The following GABRA5 variants were observed in gnomAD, a reference collection of about 807,000 sequenced individuals.
GABRA5 encodes the protein gamma-aminobutyric acid type A receptor subunit alpha5, also known as gamma-aminobutyric acid receptor subunit alpha-5.
Under a neutral mutation model 47.3 loss-of-function variants are expected in GABRA5, and 18 were observed. That is an observed-to-expected ratio of 0.38 (90% CI 0.26 to 0.56). GABRA5 has a LOEUF of 0.56. GABRA5 is among the 20% of genes least tolerant of loss of function. The pLI, the probability that GABRA5 is intolerant of heterozygous loss-of-function variation, is 0.71. For missense variants in GABRA5, 365 were observed against 599.3 expected (o/e 0.61, Z 4.08); for synonymous variants, 237 against 229.3 (o/e 1.03, Z -0.30).
At chr15:26,895,822 AAAAAAAG>A (rs1241799608) in intron 6 of GABRA5, among the ~76,000 whole-genome samples, 11 of 137,144 alleles carry the variant, frequency 8.0e-5, no homozygotes, top group African/African-American at 2.1e-4. Flanking sequence ...CAAAAAAAAA[AAAAAAAG>A]AAGAAGAAGA....
intron 7 of GABRA5, among the ~76,000 whole-genome samples, chr15:26,934,976 G>A (rs990392067): frequency 6.6e-6 from 1 of 151,546 alleles, no homozygotes; most frequent in Non-Finnish European, 1.5e-5. Flanking sequence ...GTCAGAAGAG[G>A]GTGAGCTTTA....
At chr15:26,899,626 A>G (rs1893279121) in intron 6 of GABRA5, among the ~76,000 whole-genome samples, 1 of 152,144 alleles carries the variant, frequency 6.6e-6, no homozygotes, top group South Asian at 2.1e-4. Flanking sequence ...AGTTTCATAT[A>G]GGTTTATAAT....
At chr15:26,896,311 C>T (rs2140274839) in intron 6 of GABRA5, among the ~76,000 whole-genome samples, 1 of 152,216 alleles carries the variant, frequency 6.6e-6, no homozygotes, top group East Asian at 1.9e-4. Flanking sequence ...TGTTTTAACC[C>T]TGCTTTAAAA....
chr15:26,931,385 C>T (rs1297723505), intron 7 of GABRA5, among the ~76,000 whole-genome samples: 3 of 152,146 alleles, frequency 2.0e-5, no homozygotes, highest in Non-Finnish European at 4.4e-5. Flanking sequence ...TCTCATTGTG[C>T]CCTCACATGG....
At chr15:26,939,516 G>T in intron 8 of GABRA5, 1 of 686,208 alleles carries the variant, frequency 1.5e-6, no homozygotes. Context: ...GGAGCCTCTA[G>T]ACTGGAAACA....
rs760171799 is a variant in GABRA5, at chr15:26,948,268, T to G, written c.*35T>G. The G allele has an allele frequency of 6.3e-7, 1 of 1,593,698 alleles. No individual in the cohort carries two copies. On this transcript the variant is annotated 3_prime_UTR_variant, in exon 11 of 11. Transcript: ENST00000335625. ...CTCCCAAACTCCAAGACAGCCATAC[T>G]TCCAGCGAAATGGTACCAAGGAGAG... is the stretch of plus-strand genomic sequence containing the variant.
intron 6 of GABRA5, 115 bp from the exon 7 acceptor site, chr15:26,914,688 A>C: frequency 1.3e-6 from 1 of 742,874 alleles, no homozygotes; most frequent in Non-Finnish European, 2.4e-6. Context: ...AGATAATCTC[A>C]TAAGAGACAT....
rs968696936 is a variant in GABRA5 at position 26,948,306 on chromosome 15, G to A, written c.*73G>A. The A allele has an allele frequency of 3.5e-6, 5 of 1,423,928 alleles. No homozygotes were observed. In the African/African-American group the frequency reaches 7.1e-5, roughly 20 times the overall value. 88.2% of individuals were successfully genotyped at this position (1,423,928 alleles called of 1,614,324 possible). ...GTACCAAGGAGAGGTCTTGCTCACA[G>A]GGACTCTCCATATGTGAGCACTATC... On this transcript the variant is annotated 3_prime_UTR_variant, in exon 11 of 11. Coordinates refer to ENST00000335625, the MANE Select transcript of GABRA5 (RefSeq NM_000810.4).
intron 6 of GABRA5, among the ~76,000 whole-genome samples, chr15:26,911,001 A>G (rs180856913): frequency 6.6e-6 from 1 of 152,184 alleles, no homozygotes; most frequent in Non-Finnish European, 1.5e-5. Flanking sequence ...ATACTTTTTG[A>G]GTATTATAAA....
intron 7 of GABRA5, among the ~76,000 whole-genome samples, chr15:26,935,272 T>C (rs1894209924): frequency 6.6e-6 from 1 of 152,258 alleles, no homozygotes; most frequent in Non-Finnish European, 1.5e-5. Context: ...CAAGAGGTCA[T>C]TTAATATTCA....
intron 4 of GABRA5, among the ~76,000 whole-genome samples, chr15:26,881,629 T>G (rs1892730820): frequency 6.6e-6 from 1 of 152,208 alleles, no homozygotes; most frequent in African/African-American, 2.4e-5. Context: ...TCTGAACTTG[T>G]TGGGTTAGGT....
chr15:26,899,293 T>C (rs1893271101), intron 6 of GABRA5, among the ~76,000 whole-genome samples: 1 of 152,256 alleles, frequency 6.6e-6, no homozygotes, highest in African/African-American at 2.4e-5. Flanking sequence ...TCATTACATT[T>C]GGTCAGAAGA....
chr15:26,873,162 A>G (rs1260652063), intron 3 of GABRA5, among the ~76,000 whole-genome samples: 1 of 152,246 alleles, frequency 6.6e-6, no homozygotes, highest in Non-Finnish European at 1.5e-5. Flanking sequence ...AAAAGTACAT[A>G]GTATAGAAAA....
At position 26,886,045 on chromosome 15, in the gene GABRA5, A is replaced by C. The variant is rs564758971; in HGVS notation, c.497+2488A>C. On this transcript the variant is annotated intron_variant, in intron 6 of 10. Transcript: ENST00000335625. ...GTTGTTGTTGTTGTTGTTGAGATGG[A>C]GTCTCACTCTGTCACCCAGGCTGGA... is the stretch of plus-strand genomic sequence containing the variant. Among the ~76,000 whole-genome samples, 61 of 151,378 alleles carry C rather than the reference A, an allele frequency of 4.0e-4. 1 individual carries two copies. Among genetic ancestry groups the C allele is most frequent in the African/African-American group, 1.5e-3 (61 of 41,294 alleles).
intron 3 of GABRA5, among the ~76,000 whole-genome samples, chr15:26,871,912 TA>T (rs1892482677): frequency 6.6e-6 from 1 of 152,204 alleles, no homozygotes; most frequent in African/African-American, 2.4e-5. Context: ...TTATTTATAT[TA>T]GAAGATATTT....
intron 1 of GABRA5, 56 bp from the exon 2 acceptor site, chr15:26,868,673 A>C (rs1595388763): frequency 6.5e-6 from 1 of 153,906 alleles, no homozygotes; most frequent in East Asian, 1.9e-4. Context: ...GTGATCCTGC[A>C]GAAAACCTGT....
Position 26,940,056 on chromosome 15 carries a change from GT to G in GABRA5, c.857del (p.Val286AlafsTer13). The G allele has an allele frequency of 1.2e-6, 2 of 1,613,382 alleles. No individual in the cohort carries two copies. The highest frequency in any genetic ancestry group is 1.7e-6 in the Non-Finnish European group (2 of 1,179,598). On this transcript the variant is annotated frameshift_variant, in exon 9 of 11. Transcript: ENST00000335625. LOFTEE classifies it high-confidence loss of function. ...GTCCTTTTGGCTGAACCGGGAATCA[GT>G]CCCAGCCAGGACAGTTTTTGGTGAG... ...QVSFWLNRESVPARTVFGVTT... is the reference protein window; with the variant it reads ...QVSFWLNRESXPARTVFGVTT...
chr15:26,913,094 G>T (rs999061167), intron 6 of GABRA5, among the ~76,000 whole-genome samples: 2 of 129,010 alleles, frequency 1.6e-5, no homozygotes, highest in African/African-American at 5.6e-5. Flanking sequence ...TGAGGCAGGA[G>T]AATTGCTTGA....
chr15:26,899,633 T>C (rs1426607342), intron 6 of GABRA5, among the ~76,000 whole-genome samples: 1 of 152,214 alleles, frequency 6.6e-6, no homozygotes, highest in Admixed American at 6.5e-5. Context: ...TATAGGTTTA[T>C]AATTTCTATA....
Sources: allele counts gnomAD v4.1 joint callset (sites outside exome capture counted in the v4.1 genomes callset), GRCh38; gene constraint gnomAD v4.1.1; transcripts MANE v1.5; gene names NCBI Gene and HGNC (gene_info 2026-07-23, HGNC 2026-07-21).